The following ITM2C variants were observed in gnomAD, a reference collection of about 807,000 sequenced individuals.
ITM2C encodes the protein integral membrane protein 2C, also known as BRICHOS domain containing 2C.
ITM2C carries 20 observed loss-of-function variants against 30.0 expected under a neutral mutation model. The observed-to-expected ratio is 0.67, with a 90% CI of 0.47 to 0.97. ITM2C has a LOEUF of 0.97. Among genes scored for constraint, ITM2C ranks in the 50% least tolerant of loss-of-function variants. The pLI is 0.00. For synonymous variants in ITM2C, 167 were observed against 156.4 expected (o/e 1.07, Z -0.51); for missense variants, 366 against 371.9 (o/e 0.98, Z 0.13).
intron 2 of ITM2C, among the ~76,000 whole-genome samples, chr2:230,874,849 A>G (rs1561324): frequency 0.81 from 123,767 of 152,150 alleles, 50,720 homozygotes; most frequent in East Asian, 0.94. Flanking sequence ...TGATGGGATC[A>G]CACCAGGCTG....
chr2:230,872,001 C>T (rs549009206), intron 1 of ITM2C, among the ~76,000 whole-genome samples: 1 of 152,264 alleles, frequency 6.6e-6, no homozygotes, highest in East Asian at 1.9e-4. Flanking sequence ...GAACCACCCC[C>T]CTCCAGGGGG....
In ITM2C at chr2:230,873,460, T is replaced by G; in HGVS notation, c.164T>G (p.Val55Gly). 1.2e-6 allele frequency: 2 copies of G among 1,607,806 alleles called. No homozygotes were observed. Among genetic ancestry groups the G allele is most frequent in the Non-Finnish European group, 1.7e-6 (2 of 1,177,168 alleles). ...CATCGATCCAAGAGGGGGGGCTCAG[T>G]GGGCGGCGTGTGCTACCTGTCGATG... ...PQHRSKRGGS[V>G]GGVCYLSMGM... The change falls in exon 2 of 6, where the codon GTG becomes GGG. Residue 55 changes from valine (V) to glycine (G), a missense_variant. Coordinates refer to ENST00000326427, the MANE Select transcript of ITM2C (RefSeq NM_030926.6).
Position 230,877,921 on chromosome 2 carries a change from G to A in ITM2C, c.713-87G>A, listed in dbSNP as rs866506979. The A allele has an allele frequency of 2.1e-5, 22 of 1,028,236 alleles. No individual in the cohort carries two copies. The Middle Eastern group carries it at 1.9e-3, about 87-fold the overall frequency. The allele number at this position is 1,028,236 out of a possible 1,614,324, so 63.7% of individuals were successfully genotyped here. On this transcript the variant is annotated intron_variant, in intron 5 of 5. Coordinates refer to ENST00000326427, the MANE Select transcript of ITM2C (RefSeq NM_030926.6). The surrounding 1 kb of genome is among the most constrained non-coding windows in gnomAD (Gnocchi z 4.8). The stretch of plus-strand genomic sequence containing the variant: ...TCTGGGTGAATGGTGTCACTTCCTG[G>A]CCCTCCTGTGGCTCAGGCTGAGGCT...
At chr2:230,876,609 G>A (rs554126164) in intron 3 of ITM2C, among the ~76,000 whole-genome samples, 2 of 152,274 alleles carry the variant, frequency 1.3e-5, no homozygotes, top group East Asian at 3.9e-4. Flanking sequence ...AGCCCCCCGA[G>A]TAGCTGGGAC....
intron 1 of ITM2C, among the ~76,000 whole-genome samples, chr2:230,871,208 C>A (rs1333799795): frequency 6.6e-6 from 1 of 152,242 alleles, no homozygotes; most frequent in Non-Finnish European, 1.5e-5. Flanking sequence ...TAAATACAAT[C>A]TGAGCCCTGG....
intron 1 of ITM2C, 68 bp from the exon 2 acceptor site, chr2:230,873,345 CCTGA>C: frequency 7.1e-7 from 1 of 1,413,746 alleles, no homozygotes; most frequent in South Asian, 1.6e-5. Context: ...GCAGGTGAAG[CCTGA>C]CTTAGGGAAG....
intron 1 of ITM2C, among the ~76,000 whole-genome samples, chr2:230,868,264 C>G (rs73096764): frequency 6.2e-4 from 95 of 152,156 alleles, no homozygotes; most frequent in East Asian, 1.6e-3. Flanking sequence ...GGCCTCCCCC[C>G]CTGGTGTTTT....
At chr2:230,874,530 C>T (rs1394875851) in intron 2 of ITM2C, among the ~76,000 whole-genome samples, 1 of 152,158 alleles carries the variant, frequency 6.6e-6, no homozygotes, top group African/African-American at 2.4e-5. Context: ...CTCCCCACAC[C>T]CCAATTCGTT....
chr2:230,873,953 G>T (rs1313093339), intron 2 of ITM2C, among the ~76,000 whole-genome samples: 1 of 152,200 alleles, frequency 6.6e-6, no homozygotes, highest in East Asian at 1.9e-4. Flanking sequence ...GGACATTTGG[G>T]TTACCAAACA....
At chr2:230,870,813 T>C (rs1697146774) in intron 1 of ITM2C, among the ~76,000 whole-genome samples, 1 of 151,812 alleles carries the variant, frequency 6.6e-6, no homozygotes, top group Non-Finnish European at 1.5e-5. Context: ...CCTCACCTTG[T>C]CGGTGAATTT....
chr2:230,866,511 A>C (rs1697032588), intron 1 of ITM2C, among the ~76,000 whole-genome samples: 1 of 152,114 alleles, frequency 6.6e-6, no homozygotes, highest in African/African-American at 2.4e-5. Context: ...TATGGTGGTC[A>C]CTGCAGCAAC....
At position 230,878,249 on chromosome 2, in the gene ITM2C, C is replaced by T; in HGVS notation, c.*150C>T. ...CTCCATTCCTCTCCAACCCTGCCCA[C>T]CTCCCTGTACCAGAGCTGTGATCTC... On this transcript the variant is annotated 3_prime_UTR_variant, in exon 6 of 6. Coordinates refer to ENST00000326427, the MANE Select transcript of ITM2C (RefSeq NM_030926.6). The surrounding 1 kb of genome is among the most constrained non-coding windows in gnomAD (Gnocchi z 4.5). 2 of 493,430 alleles carry T rather than the reference C, an allele frequency of 4.1e-6. No individual in the cohort carries two copies. Among genetic ancestry groups the T allele is most frequent in the Non-Finnish European group, 3.5e-6 (1 of 282,428 alleles). 30.6% of individuals were successfully genotyped at this position (493,430 alleles called of 1,614,324 possible).
At chr2:230,873,352 T>C in intron 1 of ITM2C, 65 bp from the exon 2 acceptor site, 1 of 1,432,404 alleles carries the variant, frequency 7.0e-7, no homozygotes, top group East Asian at 2.6e-5. Flanking sequence ...AAGCCTGACT[T>C]AGGGAAGGGG....
intron 1 of ITM2C, among the ~76,000 whole-genome samples, chr2:230,871,030 T>G (rs1295657996): frequency 1.3e-5 from 2 of 152,254 alleles, no homozygotes; most frequent in Admixed American, 1.3e-4. Flanking sequence ...GATAAAGATC[T>G]GCTATTTTTA....
chr2:230,865,234 C>T lies in ITM2C; in HGVS notation c.120+89C>T. 1 of 1,247,870 alleles carries T rather than the reference C, an allele frequency of 8.0e-7. No homozygotes were observed. Among genetic ancestry groups the T allele is most frequent in the Non-Finnish European group, 1.0e-6 (1 of 981,666 alleles). 77.3% of individuals were successfully genotyped at this position (1,247,870 alleles called of 1,614,324 possible). On this transcript the variant is annotated intron_variant, in intron 1 of 5. Coordinates refer to ENST00000326427, the MANE Select transcript of ITM2C (RefSeq NM_030926.6). This position sits in a 1 kb window ranked among gnomAD's most constrained non-coding sequence, Gnocchi z 6.8. Reference sequence around the variant, plus strand: ...CGTCGGCCCTGGGGACTGCCCGAGGCGCGTCAGGGCCCCAGAGCCCGGGGT... The same window carrying T: ...CGTCGGCCCTGGGGACTGCCCGAGGTGCGTCAGGGCCCCAGAGCCCGGGGT...
intron 1 of ITM2C, 169 bp from the exon 2 acceptor site, chr2:230,873,248 C>A: frequency 1.9e-6 from 1 of 535,108 alleles, no homozygotes; most frequent in Non-Finnish European, 3.0e-6. Flanking sequence ...CAGGACGAGT[C>A]CGGGTGACCC....
intron 1 of ITM2C, among the ~76,000 whole-genome samples, chr2:230,869,791 A>G (rs1301410314): frequency 2.0e-5 from 3 of 152,124 alleles, no homozygotes; most frequent in African/African-American, 7.2e-5. Context: ...TAAATCATTT[A>G]ATGAGTGCCC....
intron 1 of ITM2C, chr2:230,873,169 G>A (rs968876039): frequency 2.4e-6 from 1 of 415,740 alleles, no homozygotes; most frequent in Non-Finnish European, 4.2e-6. Context: ...GCTTCCAGGT[G>A]TGTCTTGGTT....
At chr2:230,871,141 G>A (rs972588532) in intron 1 of ITM2C, among the ~76,000 whole-genome samples, 7 of 152,262 alleles carry the variant, frequency 4.6e-5, no homozygotes, top group Non-Finnish European at 8.8e-5. Flanking sequence ...TTGCATGGGA[G>A]ACCCGAGAAG....
Sources: allele counts gnomAD v4.1 joint callset (sites outside exome capture counted in the v4.1 genomes callset), GRCh38; gene constraint gnomAD v4.1.1; non-coding constraint Gnocchi (gnomAD v3.1); transcripts MANE v1.5; gene names NCBI Gene and HGNC (gene_info 2026-07-23, HGNC 2026-07-21).